CACNG2: variants seen among roughly 807,000 people sequenced by gnomAD.
The protein encoded by CACNG2 is voltage-dependent calcium channel gamma-2 subunit.
CACNG2 carries 3 observed loss-of-function variants against 25.9 expected under a neutral mutation model. That is an observed-to-expected ratio of 0.12 (90% CI 0.05 to 0.30). The LOEUF (loss-of-function observed/expected upper bound fraction) is 0.30, where lower values mean the gene tolerates loss of function less well. CACNG2 is among the 10% of genes least tolerant of loss of function. The pLI, the probability that CACNG2 is intolerant of heterozygous loss-of-function variation, is 1.00. For missense variants in CACNG2, 341 were observed against 432.5 expected (o/e 0.79, Z 1.88); for synonymous variants, 167 against 173.3 (o/e 0.96, Z 0.29).
chr22:36,668,931 T>C (rs932938392), intron 1 of CACNG2, among the ~76,000 whole-genome samples: 3 of 152,122 alleles, frequency 2.0e-5, no homozygotes, highest in Non-Finnish European at 4.4e-5. Flanking sequence ...TTCTGTTCTA[T>C]CTGGGCCATC....
intron 1 of CACNG2, among the ~76,000 whole-genome samples, chr22:36,686,208 T>C (rs1326243698): frequency 6.6e-6 from 1 of 152,122 alleles, no homozygotes; most frequent in East Asian, 1.9e-4. Flanking sequence ...GTCTAATCCC[T>C]TCACCATGTC....
intron 1 of CACNG2, among the ~76,000 whole-genome samples, chr22:36,621,539 C>T (rs1936105495): frequency 6.7e-6 from 1 of 150,060 alleles, no homozygotes; most frequent in Non-Finnish European, 1.5e-5. Context: ...CACCGTACTC[C>T]AGCCTGGGTG....
chr22:36,606,970 T>C lies in CACNG2; in HGVS notation c.212-19422A>G, dbSNP rs1193122513. Among the ~76,000 whole-genome samples, 2 of 151,680 alleles carry C rather than the reference T, an allele frequency of 1.3e-5. No individual in the cohort carries two copies. Among genetic ancestry groups the C allele is most frequent in the Non-Finnish European group, 2.9e-5 (2 of 67,896 alleles). ...GGTGTGTGTAGGTATTATGTGTATG[T>C]CTGTGTGTGGTGTGTTTGTATGTGT... is the stretch of plus-strand genomic sequence containing the variant. On this transcript the variant is annotated intron_variant, in intron 1 of 3. Coordinates refer to ENST00000300105, the MANE Select transcript of CACNG2 (RefSeq NM_006078.5). The surrounding 1 kb of genome is among the most constrained non-coding windows in gnomAD (Gnocchi z 5.7).
chr22:36,571,060 T>C (rs1245435654), intron 2 of CACNG2, among the ~76,000 whole-genome samples: 1 of 152,162 alleles, frequency 6.6e-6, no homozygotes, highest in East Asian at 1.9e-4. Flanking sequence ...TTCCCCATCC[T>C]GTGAAATGGG....
rs1167848336 is a variant in CACNG2 at position 36,681,889 on chromosome 22, T to C, written c.211+20477A>G. ...AGCTGGAGGCATGGCATGTGTATGT[T>C]TCCTGTAGATAATTACTCCCCCCAC... On this transcript the variant is annotated intron_variant, in intron 1 of 3. Coordinates refer to ENST00000300105, the MANE Select transcript of CACNG2 (RefSeq NM_006078.5). Among the ~76,000 whole-genome samples the C allele has an allele frequency of 2.6e-5, 4 of 152,148 alleles. No individual in the cohort carries two copies. In the East Asian group the frequency reaches 7.7e-4, roughly 29 times the overall value.
intron 1 of CACNG2, among the ~76,000 whole-genome samples, chr22:36,587,757 C>T (rs1007847070): frequency 6.6e-6 from 1 of 152,176 alleles, no homozygotes; most frequent in Non-Finnish European, 1.5e-5. Context: ...GATCTAAAGC[C>T]GACGACTTCA....
intron 2 of CACNG2, among the ~76,000 whole-genome samples, chr22:36,581,987 G>A (rs1030011329): frequency 5.9e-5 from 9 of 152,136 alleles, no homozygotes; most frequent in African/African-American, 2.2e-4. Context: ...CCTTTGTCTC[G>A]AAATCCACAT....
chr22:36,579,265 G>A (rs182355016), intron 2 of CACNG2, among the ~76,000 whole-genome samples: 8 of 152,104 alleles, frequency 5.3e-5, no homozygotes, highest in South Asian at 2.1e-4. Context: ...TTAGCTGGGC[G>A]TGGTGGCAGA....
At chr22:36,628,988 TAA>T (rs3216432) in intron 1 of CACNG2, among the ~76,000 whole-genome samples, 24 of 151,002 alleles carry the variant, frequency 1.6e-4, no homozygotes, top group African/African-American at 5.8e-4. Context: ...TTGGCATAAA[TAA>T]AAAAAAACTG....
chr22:36,635,357 T>A (rs1042966668), intron 1 of CACNG2, among the ~76,000 whole-genome samples: 1 of 151,664 alleles, frequency 6.6e-6, no homozygotes, highest in African/African-American at 2.4e-5. Flanking sequence ...TGAACATATA[T>A]ATTTATTCTC....
At chr22:36,647,460 G>A (rs1481207583) in intron 1 of CACNG2, among the ~76,000 whole-genome samples, 3 of 152,124 alleles carry the variant, frequency 2.0e-5, no homozygotes, top group Non-Finnish European at 4.4e-5. Flanking sequence ...GATGGGTGTG[G>A]TGGCAGGCTC....
At chr22:36,589,136 A>G (rs1209294050) in intron 1 of CACNG2, among the ~76,000 whole-genome samples, 1 of 151,958 alleles carries the variant, frequency 6.6e-6, no homozygotes, top group East Asian at 1.9e-4. Context: ...GATTACAGGC[A>G]CATACCAACA....
At chr22:36,609,174 A>G (rs754571361) in intron 1 of CACNG2, among the ~76,000 whole-genome samples, 16 of 151,052 alleles carry the variant, frequency 1.1e-4, no homozygotes, top group Non-Finnish European at 1.6e-4. Flanking sequence ...TCAGGCAGGA[A>G]TCAGCAGCCC....
chr22:36,592,150 G>T (rs1935605605), intron 1 of CACNG2, among the ~76,000 whole-genome samples: 1 of 151,274 alleles, frequency 6.6e-6, no homozygotes, highest in Non-Finnish European at 1.5e-5. Flanking sequence ...GGGTGGAATG[G>T]GAGGGATTAT....
intron 2 of CACNG2, among the ~76,000 whole-genome samples, chr22:36,570,058 G>T (rs139056137): frequency 6.6e-6 from 1 of 152,188 alleles, no homozygotes; most frequent in African/African-American, 2.4e-5. Context: ...GCAGGTCGCC[G>T]ACCCAATTGT....
intron 1 of CACNG2, among the ~76,000 whole-genome samples, chr22:36,680,806 C>T (rs1217444579): frequency 1.9e-4 from 28 of 146,260 alleles, no homozygotes; most frequent in African/African-American, 6.9e-4. Context: ...CCATCAATCA[C>T]CACCACCTTC....
At position 36,561,268 on chromosome 22, in the gene CACNG2, G is replaced by C. The variant is rs1935023705; in HGVS notation, c.*3083C>G. 6.6e-6 allele frequency: 1 copy of C among 152,306 alleles called. No individual in the cohort carries two copies. Among genetic ancestry groups the C allele is most frequent in the African/African-American group, 2.4e-5 (1 of 41,458 alleles). The allele number at this position is 152,306 out of a possible 1,614,324, so 9.4% of individuals were successfully genotyped here. A position where few individuals can be genotyped will look rare whatever the true frequency, so the allele number is the denominator to read the frequency against. On this transcript the variant is annotated 3_prime_UTR_variant, in exon 4 of 4. Transcript: ENST00000300105. Reference sequence around the variant, plus strand: ...TTTTCTCTTCAGACAGTGCTCGCTTGGGTGCGGTTTTCTTGGGGACCCTCC... The same window carrying C: ...TTTTCTCTTCAGACAGTGCTCGCTTCGGTGCGGTTTTCTTGGGGACCCTCC...
intron 2 of CACNG2, among the ~76,000 whole-genome samples, chr22:36,586,120 G>A (rs1935498921): frequency 6.6e-6 from 1 of 152,238 alleles, no homozygotes; most frequent in South Asian, 2.1e-4. Flanking sequence ...GCCATGCTGT[G>A]TCTCCCAAGT....
At chr22:36,583,752 CTG>C in intron 2 of CACNG2, among the ~76,000 whole-genome samples, 1 of 152,282 alleles carries the variant, frequency 6.6e-6, no homozygotes, top group East Asian at 1.9e-4. Context: ...CTCCCTGCCT[CTG>C]TTTCCAACCG....
Sources: allele counts gnomAD v4.1 joint callset (sites outside exome capture counted in the v4.1 genomes callset), GRCh38; gene constraint gnomAD v4.1.1; non-coding constraint Gnocchi (gnomAD v3.1); transcripts MANE v1.5; gene names NCBI Gene and HGNC (gene_info 2026-07-23, HGNC 2026-07-21).